The following OSBPL3 variants were observed in gnomAD, a reference collection of about 807,000 sequenced individuals.
The protein encoded by OSBPL3 is oxysterol binding protein like 3, also known as oxysterol-binding protein-related protein 3.
Under a neutral mutation model 120.1 loss-of-function variants are expected in OSBPL3, and 65 were observed. That is an observed-to-expected ratio of 0.54 (90% CI 0.44 to 0.67). The LOEUF is 0.67. Ranked by LOEUF, OSBPL3 falls within the 30% of genes least tolerant of loss-of-function variation. OSBPL3 has a pLI of 0.00. For missense variants in OSBPL3, 1,004 were observed against 1,082.1 expected (o/e 0.93, Z 1.01); for synonymous variants, 416 against 402.6 (o/e 1.03, Z -0.40).
intron 2 of OSBPL3, among the ~76,000 whole-genome samples, chr7:24,878,460 C>T (rs182729847): frequency 6.6e-6 from 1 of 152,280 alleles, no homozygotes; most frequent in Non-Finnish European, 1.5e-5. Context: ...ATTTTAAAGG[C>T]ATTCAAGATC....
chr7:24,972,087 C>G lies in OSBPL3; in HGVS notation c.-150+7799G>C, dbSNP rs1345372567. On this transcript the variant is annotated intron_variant, in intron 1 of 22. Transcript: ENST00000313367. This position sits in a 1 kb window ranked among gnomAD's most constrained non-coding sequence, Gnocchi z 4.3. ...CCAGCAAGTTATTTTAAGCTACATG[C>G]AGGGCTATGCTGGAGGACAGGTTGC... 6.6e-6 allele frequency among the ~76,000 whole-genome samples: 1 copy of G among 152,216 alleles called. No homozygotes were observed. Among genetic ancestry groups the G allele is most frequent in the Non-Finnish European group, 1.5e-5 (1 of 68,038 alleles).
chr7:24,845,384 TAAAAAAAA>T (rs34559902), intron 12 of OSBPL3, among the ~76,000 whole-genome samples: 7 of 62,256 alleles, frequency 1.1e-4, no homozygotes, highest in Non-Finnish European at 1.4e-4. Context: ...GCAAAATAAG[TAAAAAAAA>T]AAAAAAAAAA....
Position 24,938,828 on chromosome 7 carries a change from TGTGTG to T in OSBPL3, c.-150+41053_-150+41057del, listed in dbSNP as rs1812743922. Among the ~76,000 whole-genome samples, 1 of 148,788 alleles carries T rather than the reference TGTGTG, an allele frequency of 6.7e-6. No individual in the cohort carries two copies. Among genetic ancestry groups the T allele is most frequent in the African/African-American group, 2.5e-5 (1 of 40,374 alleles). ...GTGTGTGTGTGTGTGTGTGTGTGTG[TGTGTG>T]TTTTGAGAGCAAAACTAATGTGGCC... is the stretch of plus-strand genomic sequence containing the variant. On this transcript the variant is annotated intron_variant, in intron 1 of 22. Coordinates refer to ENST00000313367, the MANE Select transcript of OSBPL3 (RefSeq NM_015550.4). The surrounding 1 kb of genome is among the most constrained non-coding windows in gnomAD (Gnocchi z 5.8).
intron 1 of OSBPL3, among the ~76,000 whole-genome samples, chr7:24,919,191 G>T (rs774894760): frequency 2.0e-5 from 3 of 152,140 alleles, no homozygotes; most frequent in Non-Finnish European, 4.4e-5. Flanking sequence ...GAGAAGGACA[G>T]ACATCAGCAT....
rs1378379043 is a variant in OSBPL3 at position 24,972,671 on chromosome 7, C to G, written c.-150+7215G>C. On this transcript the variant is annotated intron_variant, in intron 1 of 22. Coordinates refer to ENST00000313367, the MANE Select transcript of OSBPL3 (RefSeq NM_015550.4). The surrounding 1 kb of genome is among the most constrained non-coding windows in gnomAD (Gnocchi z 4.3). Reference sequence around the variant, plus strand: ...GCATGCTTTAATTCTAGGGAGGCATCTACTTCAAATTTAATAAGAGTTGCT... The same window carrying G: ...GCATGCTTTAATTCTAGGGAGGCATGTACTTCAAATTTAATAAGAGTTGCT... 6.6e-6 allele frequency among the ~76,000 whole-genome samples: 1 copy of G among 152,108 alleles called. No individual in the cohort carries two copies. The highest frequency in any genetic ancestry group is 1.5e-5 in the Non-Finnish European group (1 of 68,018).
chr7:24,816,829 T>C (rs936067188), intron 17 of OSBPL3, 141 bp from the exon 18 acceptor site: 6 of 643,166 alleles, frequency 9.3e-6, no homozygotes, highest in Non-Finnish European at 1.4e-5. Flanking sequence ...TAACTTTTCA[T>C]AAAATATAAG....
chr7:24,976,774 G>A (rs1817635433), intron 1 of OSBPL3, among the ~76,000 whole-genome samples: 2 of 152,154 alleles, frequency 1.3e-5, no homozygotes, highest in Admixed American at 6.5e-5. Context: ...TTAACAAATA[G>A]GAAAATACAG....
In OSBPL3 at chr7:24,861,635, ATCT is replaced by A; in HGVS notation, c.1002_1004del (p.Glu334del). 1 of 1,602,990 alleles carries A rather than the reference ATCT, an allele frequency of 6.2e-7. No individual in the cohort carries two copies. Among genetic ancestry groups the A allele is most frequent in the Non-Finnish European group, 8.5e-7 (1 of 1,176,012 alleles). On this transcript the variant is annotated inframe_deletion, in exon 10 of 23. Coordinates refer to ENST00000313367, the MANE Select transcript of OSBPL3 (RefSeq NM_015550.4). ...TACCTTTATGGGCAATATGACACAGATCTTCTTGCATTTTAGAAAACTCTGATG... is the reference window on the plus strand; with the variant it reads ...TACCTTTATGGGCAATATGACACAGATCTTGCATTTTAGAAAACTCTGATG...
rs1475420710 is a variant in OSBPL3 at position 24,918,373 on chromosome 7, A to G, written c.-149-25752T>C. On this transcript the variant is annotated intron_variant, in intron 1 of 22. Transcript: ENST00000313367. The surrounding 1 kb of genome is among the most constrained non-coding windows in gnomAD (Gnocchi z 4.3). The stretch of plus-strand genomic sequence containing the variant: ...TGTTTAAACTTTACTACTCACACTC[A>G]ATCCTTCCTATTTCAGTCTGGAATT... 6.6e-6 allele frequency among the ~76,000 whole-genome samples: 1 copy of G among 152,134 alleles called. No homozygotes were observed. Among genetic ancestry groups the G allele is most frequent in the Admixed American group, 6.6e-5 (1 of 15,266 alleles).
At chr7:24,839,508 C>T (rs566008337) in intron 14 of OSBPL3, among the ~76,000 whole-genome samples, 5 of 152,250 alleles carry the variant, frequency 3.3e-5, no homozygotes, top group Admixed American at 2.6e-4. Context: ...CTGATGGGTC[C>T]GTCCAAGAGA....
Position 24,980,104 on chromosome 7 carries a change from A to G in OSBPL3, c.-368T>C. 6.2e-6 allele frequency: 6 copies of G among 964,380 alleles called. No homozygotes were observed. The highest frequency in any genetic ancestry group is 7.4e-6 in the Non-Finnish European group (6 of 810,960). 59.7% of individuals were successfully genotyped at this position (964,380 alleles called of 1,614,324 possible). On this transcript the variant is annotated 5_prime_UTR_variant, in exon 1 of 23. Transcript: ENST00000313367. The stretch of plus-strand genomic sequence containing the variant: ...CTGCGCACCGGCCGCGAAGCGCTCA[A>G]GTCCCCTCTCCCGGGCCGGCTGGCG...
chr7:24,960,495 T>A (rs1431016690), intron 1 of OSBPL3, among the ~76,000 whole-genome samples: 1 of 152,056 alleles, frequency 6.6e-6, no homozygotes, highest in Non-Finnish European at 1.5e-5. Context: ...AAAACTCAAT[T>A]ATCTGTGCTA....
chr7:24,944,725 T>C (rs1176661387), intron 1 of OSBPL3, among the ~76,000 whole-genome samples: 1 of 152,246 alleles, frequency 6.6e-6, no homozygotes, highest in Non-Finnish European at 1.5e-5. Context: ...AAGGTTCTTC[T>C]GTATGTGCTA....
At chr7:24,903,265 G>C (rs1487820019) in intron 1 of OSBPL3, among the ~76,000 whole-genome samples, 2 of 152,206 alleles carry the variant, frequency 1.3e-5, no homozygotes, top group African/African-American at 4.8e-5. Flanking sequence ...GAAAAATGAG[G>C]AAAGCGTGGA....
At position 24,900,838 on chromosome 7, in the gene OSBPL3, G is replaced by A. The variant is rs780465911; in HGVS notation, c.-149-8217C>T. ...ATTAGGTTGGTGTGAAAGTAAGTGCGGATTTTGCCATTGGCACGAACCTAA... is the reference window on the plus strand; with the variant it reads ...ATTAGGTTGGTGTGAAAGTAAGTGCAGATTTTGCCATTGGCACGAACCTAA... On this transcript the variant is annotated intron_variant, in intron 1 of 22. Coordinates refer to ENST00000313367, the MANE Select transcript of OSBPL3 (RefSeq NM_015550.4). The surrounding 1 kb of genome is among the most constrained non-coding windows in gnomAD (Gnocchi z 4.5). Among the ~76,000 whole-genome samples the A allele has an allele frequency of 3.7e-4, 56 of 152,268 alleles. 1 individual carries two copies. Among genetic ancestry groups the A allele is most frequent in the African/African-American group, 1.0e-3 (43 of 41,558 alleles).
Position 24,907,222 on chromosome 7 carries a change from C to T in OSBPL3, c.-149-14601G>A, listed in dbSNP as rs1808072681. On this transcript the variant is annotated intron_variant, in intron 1 of 22. Transcript: ENST00000313367. ...CAGCACTTCAATCCTTATATCCATT[C>T]CCTAGTTCAATTTATCGCCAGGCTC... is the stretch of plus-strand genomic sequence containing the variant. 2.0e-5 allele frequency among the ~76,000 whole-genome samples: 3 copies of T among 152,298 alleles called. No homozygotes were observed. The South Asian group carries it at 6.2e-4, about 32-fold the overall frequency.
chr7:24,969,811 TCCCAGCCTCTG>T (rs969407642), intron 1 of OSBPL3, among the ~76,000 whole-genome samples: 4 of 152,136 alleles, frequency 2.6e-5, no homozygotes, highest in African/African-American at 9.7e-5. Context: ...GTGCCTATAC[TCCCAGCCTCTG>T]CCCTTCTCTG....
At position 24,806,987 on chromosome 7, in the gene OSBPL3, A is replaced by G. The variant is rs1793131075; in HGVS notation, c.2318-85T>C. On this transcript the variant is annotated intron_variant, in intron 20 of 22. Coordinates refer to ENST00000313367, the MANE Select transcript of OSBPL3 (RefSeq NM_015550.4). The surrounding 1 kb of genome is among the most constrained non-coding windows in gnomAD (Gnocchi z 5.2). ...TCCTTCACCTTTTTCGTCTCAGCCT[A>G]GCTACAATTTTTCTCTCTCAGCTCC... is the stretch of plus-strand genomic sequence containing the variant. 2 of 1,269,082 alleles carry G rather than the reference A, an allele frequency of 1.6e-6. No homozygotes were observed. Among genetic ancestry groups the G allele is most frequent in the African/African-American group, 3.0e-5 (2 of 66,634 alleles). 78.6% of individuals were successfully genotyped at this position (1,269,082 alleles called of 1,614,324 possible).
intron 5 of OSBPL3, among the ~76,000 whole-genome samples, chr7:24,870,517 G>A (rs1361672017): frequency 6.6e-6 from 1 of 152,154 alleles, no homozygotes; most frequent in East Asian, 1.9e-4. Context: ...TCGTATCTAG[G>A]GGATGAGGCG....
Sources: allele counts gnomAD v4.1 joint callset (sites outside exome capture counted in the v4.1 genomes callset), GRCh38; gene constraint gnomAD v4.1.1; non-coding constraint Gnocchi (gnomAD v3.1); transcripts MANE v1.5; gene names NCBI Gene and HGNC (gene_info 2026-07-23, HGNC 2026-07-21).